Variants in PDSS2 observed in about 807,000 individuals in gnomAD.
PDSS2 encodes all trans-polyprenyl-diphosphate synthase PDSS2.
A neutral mutation model predicts 44.5 loss-of-function variants in PDSS2; 31 were observed. The observed-to-expected ratio is 0.70, with a 90% CI of 0.52 to 0.94. The LOEUF is 0.94. PDSS2 is among the 40% of genes least tolerant of loss of function. The pLI is 0.00. For synonymous variants in PDSS2, 157 were observed against 180.3 expected (o/e 0.87, Z 1.03); for missense variants, 452 against 482.2 (o/e 0.94, Z 0.59).
chr6:107,364,328 G>A (rs1011907127), intron 1 of PDSS2, among the ~76,000 whole-genome samples: 4 of 152,232 alleles, frequency 2.6e-5, no homozygotes, highest in Non-Finnish European at 5.9e-5. Flanking sequence ...GGCCGCACAG[G>A]AGCCCATGGA....
At chr6:107,437,525 CAAAAAAAAAAAA>C (rs60133518) in intron 1 of PDSS2, among the ~76,000 whole-genome samples, 13 of 126,704 alleles carry the variant, frequency 1.0e-4, no homozygotes, top group South Asian at 3.1e-4. Flanking sequence ...ACCCTGTCTC[CAAAAAAAAAAAA>C]AAAAAAAAAA....
chr6:107,196,182 TTGTC>T (rs1772557288), intron 6 of PDSS2, among the ~76,000 whole-genome samples: 1 of 152,210 alleles, frequency 6.6e-6, no homozygotes, highest in Admixed American at 6.5e-5. Context: ...ATTTATTCGT[TTGTC>T]TGTTTATGGG....
intron 7 of PDSS2, among the ~76,000 whole-genome samples, chr6:107,179,800 T>C (rs1200724208): frequency 1.3e-5 from 2 of 152,078 alleles, no homozygotes; most frequent in Non-Finnish European, 2.9e-5. Flanking sequence ...ATGTGGTAAG[T>C]GGGGAGGCTG....
Position 107,336,708 on chromosome 6 carries a change from C to G in PDSS2, c.297-2376G>C, listed in dbSNP as rs560853444. Among the ~76,000 whole-genome samples the G allele has an allele frequency of 4.0e-5, 6 of 151,580 alleles. No homozygotes were observed. In the South Asian group the frequency reaches 1.2e-3, roughly 32 times the overall value. ...GAATTACAACTTTTAACTTAGGCTA[C>G]TAGATTCTTATTTATGTATTACCTA... On this transcript the variant is annotated intron_variant, in intron 1 of 7. Transcript: ENST00000369037.
chr6:107,213,034 G>A (rs753107919), intron 4 of PDSS2, among the ~76,000 whole-genome samples: 17 of 151,848 alleles, frequency 1.1e-4, no homozygotes, highest in Non-Finnish European at 2.5e-4. Flanking sequence ...ATTTGAGACA[G>A]GGTCTTGTTC....
At chr6:107,379,798 G>T (rs1779401534) in intron 1 of PDSS2, among the ~76,000 whole-genome samples, 1 of 151,980 alleles carries the variant, frequency 6.6e-6, no homozygotes, top group Non-Finnish European at 1.5e-5. Context: ...TATACAGCAT[G>T]AAATTTATTT....
intron 4 of PDSS2, among the ~76,000 whole-genome samples, chr6:107,215,864 C>T (rs961960174): frequency 1.2e-4 from 19 of 152,160 alleles, no homozygotes; most frequent in African/African-American, 4.1e-4. Flanking sequence ...AGGTCGGGAA[C>T]GGTGGCTCAT....
chr6:107,244,386 G>A (rs758384155), intron 4 of PDSS2, among the ~76,000 whole-genome samples: 27 of 152,124 alleles, frequency 1.8e-4, no homozygotes, highest in Non-Finnish European at 1.8e-4. Flanking sequence ...TCTATACAAC[G>A]TAACTTTTTA....
At chr6:107,315,045 ATTAAC>A (rs1446723569) in intron 2 of PDSS2, among the ~76,000 whole-genome samples, 3 of 152,264 alleles carry the variant, frequency 2.0e-5, no homozygotes, top group Non-Finnish European at 2.9e-5. Flanking sequence ...TCTTGTTTAC[ATTAAC>A]TTATTTTTAA....
chr6:107,378,177 G>GA (rs1022790101), intron 1 of PDSS2, among the ~76,000 whole-genome samples: 24 of 149,976 alleles, frequency 1.6e-4, no homozygotes, highest in African/African-American at 5.6e-4. Context: ...ACTTAATTGT[G>GA]AAAAAAATGA....
intron 2 of PDSS2, among the ~76,000 whole-genome samples, chr6:107,303,297 C>T (rs1461116732): frequency 6.6e-6 from 1 of 152,186 alleles, no homozygotes. Flanking sequence ...CACTGCTACA[C>T]TGGGGACCAA....
chr6:107,320,938 C>T (rs143339114), intron 2 of PDSS2, among the ~76,000 whole-genome samples: 18 of 152,254 alleles, frequency 1.2e-4, no homozygotes, highest in Non-Finnish European at 2.5e-4. Context: ...ATTCTATGGT[C>T]AAATGGGATT....
intron 1 of PDSS2, among the ~76,000 whole-genome samples, chr6:107,402,022 T>C (rs765063047): frequency 2.4e-4 from 36 of 152,108 alleles, no homozygotes; most frequent in Non-Finnish European, 4.9e-4. Flanking sequence ...CTCACACCTG[T>C]AATCCTAGCA....
chr6:107,205,130 C>T lies in PDSS2; in HGVS notation c.1008+5309G>A, dbSNP rs557121970. ...TAAGAATAGGCATGTGTTATTTTCA[C>T]GCACACCAGTCTTGCCTAGCAGTCT... On this transcript the variant is annotated intron_variant, in intron 6 of 7. Coordinates refer to ENST00000369037, the MANE Select transcript of PDSS2 (RefSeq NM_020381.4). 5.9e-5 allele frequency among the ~76,000 whole-genome samples: 9 copies of T among 152,296 alleles called. No homozygotes were observed. The East Asian group carries it at 1.2e-3, about 20-fold the overall frequency.
chr6:107,263,017 C>A (rs1775295014), intron 3 of PDSS2, among the ~76,000 whole-genome samples: 1 of 151,990 alleles, frequency 6.6e-6, no homozygotes, highest in East Asian at 1.9e-4. Context: ...CAGTGCCTAC[C>A]CTCATCCTCT....
At chr6:107,175,330 A>T (rs879935446) in intron 7 of PDSS2, among the ~76,000 whole-genome samples, 1 of 152,212 alleles carries the variant, frequency 6.6e-6, no homozygotes. Context: ...TTCATTTTAC[A>T]AAGGAACAAA....
chr6:107,264,325 G>A (rs1775342435), intron 3 of PDSS2: 2 of 1,443,366 alleles, frequency 1.4e-6, no homozygotes, highest in East Asian at 2.6e-5. Flanking sequence ...TTAACATAAG[G>A]AAATACATCA....
rs149699820 is a variant in PDSS2, at chr6:107,180,185, A to G, written c.1041+13637T>C. Among the ~76,000 whole-genome samples, 450 of 152,290 alleles carry G rather than the reference A, an allele frequency of 3.0e-3. 2 individuals carry two copies. In the Middle Eastern group the frequency reaches 0.037, roughly 13 times the overall value. ...CTTTTCTATAGGGACAGAGGGCTCT[A>G]TCTTCGACATAAAGACATACAGGCT... On this transcript the variant is annotated intron_variant, in intron 7 of 7. Coordinates refer to ENST00000369037, the MANE Select transcript of PDSS2 (RefSeq NM_020381.4).
At chr6:107,289,375 A>AG (rs1308495483) in intron 2 of PDSS2, among the ~76,000 whole-genome samples, 2 of 148,910 alleles carry the variant, frequency 1.3e-5, no homozygotes, top group East Asian at 4.0e-4. Flanking sequence ...TCTGTCTCAA[A>AG]AAAAAAAAAA....
Sources: gnomAD v4.1 joint callset for allele counts (sites outside exome capture counted in the v4.1 genomes callset) on GRCh38, gnomAD v4.1.1 for gene constraint, MANE v1.5 for transcripts, NCBI Gene and HGNC (gene_info 2026-07-23, HGNC 2026-07-21) for gene names.